Variants in DHX29 observed in about 807,000 individuals in gnomAD.
DHX29 encodes DExH-box helicase 29, also known as ATP-dependent RNA helicase DHX29.
A neutral mutation model predicts 167.9 loss-of-function variants in DHX29; 79 were observed. That is an observed-to-expected ratio of 0.47 (90% CI 0.39 to 0.57). The LOEUF (loss-of-function observed/expected upper bound fraction) is 0.57, where lower values mean the gene tolerates loss of function less well. Among genes scored for constraint, DHX29 ranks in the 20% least tolerant of loss-of-function variants. The pLI is 0.00. For synonymous variants in DHX29, 530 were observed against 546.0 expected (o/e 0.97, Z 0.41); for missense variants, 1,347 against 1,593.4 (o/e 0.85, Z 2.63).
At chr5:55,297,532 T>C in intron 2 of DHX29, 134 bp from the exon 3 acceptor site, 1 of 602,596 alleles carries the variant, frequency 1.7e-6, no homozygotes, top group South Asian at 2.1e-5. Flanking sequence ...AATTATCATT[T>C]TTTGGACTAC....
intron 1 of DHX29, among the ~76,000 whole-genome samples, chr5:55,306,616 C>T (rs544135346): frequency 1.3e-5 from 2 of 152,288 alleles, no homozygotes; most frequent in African/African-American, 4.8e-5. Flanking sequence ...TCATCACATT[C>T]CTCACATCTT....
At chr5:55,258,697 C>T (rs571798844) in intron 26 of DHX29, among the ~76,000 whole-genome samples, 29 of 152,070 alleles carry the variant, frequency 1.9e-4, no homozygotes, top group Non-Finnish European at 3.4e-4. Flanking sequence ...ACAACAGGTA[C>T]AAGCCACCAG....
intron 23 of DHX29, among the ~76,000 whole-genome samples, chr5:55,264,389 G>A (rs982891387): frequency 2.6e-5 from 4 of 152,132 alleles, no homozygotes; most frequent in Admixed American, 2.0e-4. Context: ...CAGCCACTAA[G>A]TATGATGCTT....
At chr5:55,307,235 A>G in intron 1 of DHX29, 152 bp downstream of exon 1, 1 of 661,280 alleles carries the variant, frequency 1.5e-6, no homozygotes, top group South Asian at 2.2e-5. Flanking sequence ...TTTTTAATCT[A>G]AAACAAGGCC....
chr5:55,304,722 C>A (rs1455291708), intron 1 of DHX29, among the ~76,000 whole-genome samples: 1 of 151,142 alleles, frequency 6.6e-6, no homozygotes, highest in African/African-American at 2.4e-5. Context: ...AAAAAAAAAA[C>A]AAGACTGGTA....
chr5:55,282,914 G>C (rs1222410625), intron 11 of DHX29: 2 of 212,078 alleles, frequency 9.4e-6, no homozygotes, highest in Admixed American at 1.1e-4. Context: ...CACATTCTTT[G>C]GCTGTTCAAT....
rs374351117 is a variant in DHX29 at position 55,307,686 on chromosome 5, G to A, written c.-113C>T. The A allele has an allele frequency of 2.2e-5, 30 of 1,377,726 alleles. No homozygotes were observed. The Middle Eastern group carries it at 1.6e-3, about 71-fold the overall frequency. 85.3% of individuals were successfully genotyped at this position (1,377,726 alleles called of 1,614,324 possible). On this transcript the variant is annotated 5_prime_UTR_variant, in exon 1 of 27. Coordinates refer to ENST00000251636, the MANE Select transcript of DHX29 (RefSeq NM_019030.4). Reference sequence around the variant, plus strand: ...GGGCTGCCACCCTGCGCTTCGATCCGGGCTTCTCGGGCCGGGGCGACCGCT... The same window carrying A: ...GGGCTGCCACCCTGCGCTTCGATCCAGGCTTCTCGGGCCGGGGCGACCGCT...
In DHX29 at chr5:55,307,640, T is replaced by A; in HGVS notation, c.-67A>T. On this transcript the variant is annotated 5_prime_UTR_variant, in exon 1 of 27. Transcript: ENST00000251636. ...ACGGTACCACTGCACAGCCGAGAGC[T>A]CTTCACATTCCCCGGCTCCGGGGCT... 1 of 1,568,610 alleles carries A rather than the reference T, an allele frequency of 6.4e-7. No individual in the cohort carries two copies. The highest frequency in any genetic ancestry group is 8.6e-7 in the Non-Finnish European group (1 of 1,157,238).
chr5:55,258,158 A>C (rs572955435), intron 26 of DHX29, among the ~76,000 whole-genome samples: 112 of 152,312 alleles, frequency 7.4e-4, no homozygotes, highest in African/African-American at 2.6e-3. Context: ...CTTAACATTA[A>C]AAGGACAACC....
intron 11 of DHX29, among the ~76,000 whole-genome samples, chr5:55,282,061 T>C (rs1231345855): frequency 2.0e-5 from 3 of 152,204 alleles, no homozygotes; most frequent in Non-Finnish European, 4.4e-5. Flanking sequence ...GCTAGGATTA[T>C]AGGCGTGAGC....
At chr5:55,272,047 C>G (rs1227202144) in intron 18 of DHX29, 40 bp downstream of exon 18, 1 of 1,231,542 alleles carries the variant, frequency 8.1e-7, no homozygotes, top group East Asian at 2.5e-5. Flanking sequence ...CAACCTCTTT[C>G]CAGGTTAAAA....
chr5:55,264,265 A>C (rs1020215043), intron 23 of DHX29, among the ~76,000 whole-genome samples: 2 of 152,106 alleles, frequency 1.3e-5, no homozygotes, highest in Non-Finnish European at 2.9e-5. Flanking sequence ...TTTTAACTAC[A>C]CTTCTACTCT....
Position 55,296,335 on chromosome 5 carries a change from A to G in DHX29, c.390T>C (p.Ala130=). The G allele has an allele frequency of 2.5e-6, 4 of 1,612,826 alleles. No homozygotes were observed. Among genetic ancestry groups the G allele is most frequent in the Non-Finnish European group, 3.4e-6 (4 of 1,179,448 alleles). ...TAKKLQDLYM[A]LQAFSFKTKD... is the part of the protein sequence containing the mutation. ...TTGTCTTAAATGAAAATGCTTGTAAAGCCATGTATAAATCCTATGACAAGC... is the reference window on the plus strand; with the variant it reads ...TTGTCTTAAATGAAAATGCTTGTAAGGCCATGTATAAATCCTATGACAAGC... The change falls in exon 4 of 27, where the codon GCT becomes GCC. Residue 130 remains alanine (A), a synonymous_variant. Coordinates refer to ENST00000251636, the MANE Select transcript of DHX29 (RefSeq NM_019030.4).
At chr5:55,287,052 TA>T (rs1273188163) in intron 8 of DHX29, among the ~76,000 whole-genome samples, 3 of 152,216 alleles carry the variant, frequency 2.0e-5, no homozygotes, top group Admixed American at 6.5e-5. Context: ...TCATAATTTG[TA>T]ATTACGTATT....
chr5:55,285,266 G>A (rs1367251004), intron 10 of DHX29, 27 bp downstream of exon 10: 1 of 1,611,138 alleles, frequency 6.2e-7, no homozygotes, highest in Non-Finnish European at 8.5e-7. Flanking sequence ...TCCACATACA[G>A]ATATAGTTAG....
intron 21 of DHX29, among the ~76,000 whole-genome samples, chr5:55,269,188 G>A (rs1746726775): frequency 6.7e-6 from 1 of 148,674 alleles, no homozygotes; most frequent in Non-Finnish European, 1.5e-5. Flanking sequence ...AGGTTGCAGT[G>A]AGCCTAGATT....
In DHX29 at chr5:55,277,302, A is replaced by T. The variant is rs752274444; in HGVS notation, c.2110-20T>A. On this transcript the variant is annotated intron_variant, in intron 12 of 26. Transcript: ENST00000251636. ...ATGAACCTAGTTTTAAAAAGGGAAT[A>T]AAAAAGTTCATCATATATTGTATAA... The T allele has an allele frequency of 2.0e-6, 3 of 1,531,902 alleles. No individual in the cohort carries two copies. In the Middle Eastern group the frequency reaches 5.2e-4, roughly 266 times the overall value. 94.9% of individuals were successfully genotyped at this position (1,531,902 alleles called of 1,614,324 possible).
intron 23 of DHX29, among the ~76,000 whole-genome samples, chr5:55,265,101 A>C (rs1413704594): frequency 6.6e-6 from 1 of 151,674 alleles, no homozygotes; most frequent in East Asian, 1.9e-4. Context: ...AAAGAAAAAA[A>C]AAAAAACAAA....
At chr5:55,265,168 G>A (rs1038014587) in intron 23 of DHX29, among the ~76,000 whole-genome samples, 2 of 149,878 alleles carry the variant, frequency 1.3e-5, no homozygotes, top group Admixed American at 6.7e-5. Context: ...AGAAATACAG[G>A]ACATAGAAGA....
Sources: gnomAD v4.1 joint callset for allele counts (sites outside exome capture counted in the v4.1 genomes callset) on GRCh38, gnomAD v4.1.1 for gene constraint, MANE v1.5 for transcripts, NCBI Gene and HGNC (gene_info 2026-07-23, HGNC 2026-07-21) for gene names.